The following GPC6 variants were observed in gnomAD, a reference collection of about 807,000 sequenced individuals.
GPC6 encodes the protein glypican-6.
GPC6 carries 14 observed loss-of-function variants against 55.2 expected under a neutral mutation model. That is an observed-to-expected ratio of 0.25 (90% CI 0.17 to 0.40). GPC6 has a LOEUF of 0.40. Ranked by LOEUF, GPC6 falls within the 10% of genes least tolerant of loss-of-function variation. The pLI, the probability that GPC6 is intolerant of heterozygous loss-of-function variation, is 1.00. For missense variants in GPC6, 641 were observed against 708.5 expected, an observed-to-expected ratio of 0.90 and a Z score of 1.08; for synonymous variants, 278 against 259.6, an observed-to-expected ratio of 1.07 and a Z score of -0.68.
At chr13:94,193,668 T>A (rs1889471795) in intron 4 of GPC6, among the ~76,000 whole-genome samples, 2 of 152,324 alleles carry the variant, frequency 1.3e-5, no homozygotes, top group Admixed American at 6.5e-5. Context: ...GCAAAATTGC[T>A]GTTACCCAGT....
chr13:94,406,129 A>G lies in GPC6; in HGVS notation c.*2912A>G, dbSNP rs1249883090. On this transcript the variant is annotated 3_prime_UTR_variant, in exon 9 of 9. Transcript: ENST00000377047. ...AGGAATGGGCTCACTGAAACCTGACACTAGAAATTGGTGGGTGATGCTCAT... is the reference window on the plus strand; with the variant it reads ...AGGAATGGGCTCACTGAAACCTGACGCTAGAAATTGGTGGGTGATGCTCAT... 1 of 152,124 alleles carries G rather than the reference A, an allele frequency of 6.6e-6. No homozygotes were observed. 9.4% of individuals were successfully genotyped at this position (152,124 alleles called of 1,614,324 possible).
At chr13:94,123,539 A>G (rs1375845718) in intron 4 of GPC6, among the ~76,000 whole-genome samples, 1 of 152,036 alleles carries the variant, frequency 6.6e-6, no homozygotes, top group Non-Finnish European at 1.5e-5. Context: ...CTCTATTCCT[A>G]GTCTTGGTTA....
At chr13:93,778,351 A>G (rs761519701) in intron 2 of GPC6, among the ~76,000 whole-genome samples, 11 of 152,152 alleles carry the variant, frequency 7.2e-5, no homozygotes, top group Non-Finnish European at 1.5e-4. Flanking sequence ...AGTGAATTAT[A>G]AGAGAGATTT....
At chr13:93,940,164 A>T (rs1385636918) in intron 3 of GPC6, among the ~76,000 whole-genome samples, 1 of 152,098 alleles carries the variant, frequency 6.6e-6, no homozygotes, top group South Asian at 2.1e-4. Context: ...TAGACTTTAA[A>T]ATTCTCCTTA....
intron 2 of GPC6, among the ~76,000 whole-genome samples, chr13:93,827,531 G>C (rs1223061531): frequency 6.6e-6 from 1 of 152,154 alleles, no homozygotes; most frequent in African/African-American, 2.4e-5. Context: ...ATAATTGGCT[G>C]ATACATTAGC....
chr13:93,377,954 G>A (rs1874989723), intron 1 of GPC6, among the ~76,000 whole-genome samples: 2 of 152,174 alleles, frequency 1.3e-5, no homozygotes, highest in Non-Finnish European at 2.9e-5. Context: ...GTATTTTCCT[G>A]TGGAATAACA....
At chr13:93,397,890 T>C (rs1224183147) in intron 1 of GPC6, among the ~76,000 whole-genome samples, 1 of 152,192 alleles carries the variant, frequency 6.6e-6, no homozygotes, top group Non-Finnish European at 1.5e-5. Context: ...GAAATGTATA[T>C]TCTTAGCACA....
At chr13:93,797,931 C>G (rs1193829863) in intron 2 of GPC6, among the ~76,000 whole-genome samples, 1 of 152,034 alleles carries the variant, frequency 6.6e-6, no homozygotes, top group East Asian at 1.9e-4. Flanking sequence ...TTGGTTTTAA[C>G]AAGGGTAATA....
chr13:93,730,539 C>T (rs1883786989), intron 2 of GPC6, among the ~76,000 whole-genome samples: 1 of 152,140 alleles, frequency 6.6e-6, no homozygotes. Context: ...GAGCCTAGTC[C>T]CTGCTCTGTG....
intron 5 of GPC6, among the ~76,000 whole-genome samples, chr13:94,297,484 TC>T (rs1184268686): frequency 6.6e-6 from 1 of 152,192 alleles, no homozygotes; most frequent in Non-Finnish European, 1.5e-5. Context: ...TTTGTAAAGT[TC>T]CTTGTAACTC....
intron 3 of GPC6, among the ~76,000 whole-genome samples, chr13:93,952,702 A>G (rs1386324391): frequency 1.3e-5 from 2 of 150,914 alleles, no homozygotes; most frequent in Non-Finnish European, 3.0e-5. Flanking sequence ...TATGTGTGTG[A>G]GAGTATATAT....
At chr13:93,497,448 T>C (rs944027045) in intron 1 of GPC6, among the ~76,000 whole-genome samples, 1 of 152,182 alleles carries the variant, frequency 6.6e-6, no homozygotes, top group Non-Finnish European at 1.5e-5. Flanking sequence ...GACGATGAGG[T>C]CTGCCTGGGG....
At chr13:93,516,403 G>A (rs1018975584) in intron 1 of GPC6, among the ~76,000 whole-genome samples, 7 of 152,050 alleles carry the variant, frequency 4.6e-5, no homozygotes, top group East Asian at 1.9e-4. Context: ...GGAATATGCA[G>A]GGAAGAATGC....
chr13:93,426,330 C>T (rs1244829971), intron 1 of GPC6, among the ~76,000 whole-genome samples: 3 of 151,886 alleles, frequency 2.0e-5, no homozygotes, highest in Non-Finnish European at 2.9e-5. Context: ...TGGTGTGCTG[C>T]ACCCATTAAC....
intron 4 of GPC6, among the ~76,000 whole-genome samples, chr13:94,105,848 C>T (rs2138832580): frequency 6.6e-6 from 1 of 152,288 alleles, no homozygotes; most frequent in East Asian, 1.9e-4. Context: ...AAACACAACC[C>T]AGTGGGTGTT....
intron 6 of GPC6, among the ~76,000 whole-genome samples, chr13:94,314,647 T>C (rs1382581105): frequency 6.6e-6 from 1 of 152,236 alleles, no homozygotes; most frequent in African/African-American, 2.4e-5. Flanking sequence ...ATTGAATAGA[T>C]TAAAGAACCT....
intron 4 of GPC6, among the ~76,000 whole-genome samples, chr13:94,167,983 A>C (rs1394440284): frequency 1.3e-5 from 2 of 152,228 alleles, no homozygotes; most frequent in Non-Finnish European, 2.9e-5. Flanking sequence ...ACTATATCAT[A>C]GGTTACACAT....
At chr13:93,633,052 T>C (rs1293084825) in intron 2 of GPC6, among the ~76,000 whole-genome samples, 1 of 152,210 alleles carries the variant, frequency 6.6e-6, no homozygotes, top group Non-Finnish European at 1.5e-5. Context: ...CAATTTATTT[T>C]CCTTTTCCAA....
intron 2 of GPC6, among the ~76,000 whole-genome samples, chr13:93,817,154 G>C (rs996581031): frequency 3.9e-5 from 6 of 152,156 alleles, no homozygotes; most frequent in African/African-American, 1.4e-4. Flanking sequence ...ACTTAAATTT[G>C]CTGTGCCTCT....
Sources: allele counts gnomAD v4.1 joint callset (sites outside exome capture counted in the v4.1 genomes callset), GRCh38; gene constraint gnomAD v4.1.1; transcripts MANE v1.5; gene names NCBI Gene and HGNC (gene_info 2026-07-23, HGNC 2026-07-21).